The following ATG10 variants were observed in gnomAD, a reference collection of about 807,000 sequenced individuals.
ATG10 encodes the protein ubiquitin-like-conjugating enzyme ATG10.
ATG10 carries 30 observed loss-of-function variants against 32.1 expected under a neutral mutation model. The ratio of observed to expected loss-of-function variants is 0.94; its 90% CI spans 0.70 to 1.27. The LOEUF is 1.27. Ranked by LOEUF, ATG10 falls within the 50% of genes most tolerant of loss-of-function variation. The probability of loss-of-function intolerance (pLI) is 0.00; values close to 1 mark genes in which losing one functional copy is unlikely to be tolerated. For missense variants in ATG10, 233 were observed against 262.3 expected, an observed-to-expected ratio of 0.89 and a Z score of 0.77; for synonymous variants, 87 against 91.5, an observed-to-expected ratio of 0.95 and a Z score of 0.28.
chr5:82,079,436 A>G (rs1364389788), intron 3 of ATG10, among the ~76,000 whole-genome samples: 2 of 151,728 alleles, frequency 1.3e-5, no homozygotes, highest in African/African-American at 4.9e-5. Flanking sequence ...TTACATATGT[A>G]TACATATGCC....
At chr5:82,215,429 G>GACACAAGGGATTATTGA (rs1214611357) in intron 5 of ATG10, among the ~76,000 whole-genome samples, 1 of 152,144 alleles carries the variant, frequency 6.6e-6, no homozygotes, top group Non-Finnish European at 1.5e-5. Flanking sequence ...TACGCAAGGG[G>GACACAAGGGATTATTGA]ACACAAGGGA....
intron 2 of ATG10, among the ~76,000 whole-genome samples, chr5:82,005,420 G>A (rs993761037): frequency 6.6e-6 from 1 of 151,966 alleles, no homozygotes; most frequent in Non-Finnish European, 1.5e-5. Context: ...TCAGCCTCCC[G>A]AGTAGCTGGG....
intron 3 of ATG10, among the ~76,000 whole-genome samples, chr5:82,130,524 A>G (rs1766476494): frequency 6.6e-6 from 1 of 152,118 alleles, no homozygotes; most frequent in Non-Finnish European, 1.5e-5. Flanking sequence ...GACCGTGGGA[A>G]GAGTGTAGTA....
At chr5:82,122,666 T>C (rs1004848097) in intron 3 of ATG10, among the ~76,000 whole-genome samples, 1 of 151,972 alleles carries the variant, frequency 6.6e-6, no homozygotes, top group African/African-American at 2.4e-5. Context: ...AAATTTACAA[T>C]AGAAAAACAA....
intron 5 of ATG10, among the ~76,000 whole-genome samples, chr5:82,239,648 G>A (rs531129771): frequency 6.6e-6 from 1 of 152,132 alleles, no homozygotes; most frequent in Non-Finnish European, 1.5e-5. Flanking sequence ...GGAACACCAA[G>A]TAGTTTAATG....
intron 4 of ATG10, among the ~76,000 whole-genome samples, chr5:82,167,701 G>A (rs1275626073): frequency 6.6e-6 from 1 of 152,192 alleles, no homozygotes; most frequent in African/African-American, 2.4e-5. Flanking sequence ...TGAAGCAGCT[G>A]TTCCACTTCT....
intron 2 of ATG10, among the ~76,000 whole-genome samples, chr5:82,013,119 G>A (rs568213161): frequency 1.3e-3 from 198 of 152,068 alleles, no homozygotes; most frequent in African/African-American, 4.4e-3. Context: ...ACACCACCAC[G>A]CCCGGCCAAT....
At chr5:82,139,580 G>A (rs1258119133) in intron 3 of ATG10, among the ~76,000 whole-genome samples, 1 of 146,496 alleles carries the variant, frequency 6.8e-6, no homozygotes, top group African/African-American at 2.6e-5. Flanking sequence ...CGCCCCGTCT[G>A]AGAAGTGAGG....
chr5:82,001,990 T>G (rs149777874), intron 2 of ATG10, among the ~76,000 whole-genome samples: 1 of 152,260 alleles, frequency 6.6e-6, no homozygotes, highest in Non-Finnish European at 1.5e-5. Flanking sequence ...GAACAGACAC[T>G]TCTCAAAAGA....
intron 5 of ATG10, among the ~76,000 whole-genome samples, chr5:82,229,732 C>T (rs1388371393): frequency 6.6e-6 from 1 of 152,128 alleles, no homozygotes; most frequent in East Asian, 1.9e-4. Context: ...AGTCAGTCCT[C>T]CATGTCTGCA....
At chr5:82,035,867 CT>C (rs1762904001) in intron 2 of ATG10, among the ~76,000 whole-genome samples, 1 of 151,066 alleles carries the variant, frequency 6.6e-6, no homozygotes, top group African/African-American at 2.4e-5. Flanking sequence ...CAGTCTGTCA[CT>C]TTTCTTTTAA....
At chr5:81,976,503 G>A (rs935753247) in intron 1 of ATG10, among the ~76,000 whole-genome samples, 1 of 152,206 alleles carries the variant, frequency 6.6e-6, no homozygotes, top group Non-Finnish European at 1.5e-5. Flanking sequence ...AGTGTAAATG[G>A]TTGTATTCTA....
chr5:82,145,282 T>C (rs915538978), intron 3 of ATG10, among the ~76,000 whole-genome samples: 1 of 152,164 alleles, frequency 6.6e-6, no homozygotes, highest in South Asian at 2.1e-4. Context: ...TCTATCATTT[T>C]ATTAACTTTT....
chr5:82,161,364 C>T (rs148811427), intron 3 of ATG10, among the ~76,000 whole-genome samples: 2,128 of 152,154 alleles, frequency 0.014, 123 homozygotes, highest in Admixed American at 0.11. Context: ...AGACTTCTAA[C>T]AGGATTTTCA....
At chr5:82,136,692 G>A (rs1193189007) in intron 3 of ATG10, among the ~76,000 whole-genome samples, 2 of 152,038 alleles carry the variant, frequency 1.3e-5, no homozygotes, top group East Asian at 3.9e-4. Context: ...TTATATGTTG[G>A]GGTTGTTCTT....
chr5:82,175,337 A>T (rs1298551609), intron 4 of ATG10, among the ~76,000 whole-genome samples: 1 of 152,136 alleles, frequency 6.6e-6, no homozygotes, highest in African/African-American at 2.4e-5. Context: ...GTAAAGATGG[A>T]GTCTCACTTT....
chr5:82,010,703 G>T (rs1055334190), intron 2 of ATG10, among the ~76,000 whole-genome samples: 1 of 152,078 alleles, frequency 6.6e-6, no homozygotes, highest in Admixed American at 6.6e-5. Context: ...AGGTCTAATA[G>T]TATAAAAAGT....
At chr5:82,002,497 A>G (rs1004781266) in intron 2 of ATG10, among the ~76,000 whole-genome samples, 1 of 152,242 alleles carries the variant, frequency 6.6e-6, no homozygotes, top group East Asian at 1.9e-4. Flanking sequence ...TTGCAGCAAC[A>G]TGGATGGAAC....
At chr5:82,139,868 C>A (rs1198149469) in intron 3 of ATG10, among the ~76,000 whole-genome samples, 2 of 142,904 alleles carry the variant, frequency 1.4e-5, no homozygotes, top group Non-Finnish European at 3.1e-5. Context: ...ACCCGGCCAG[C>A]CGCCCCGTCC....
Sources: allele counts gnomAD v4.1 joint callset (sites outside exome capture counted in the v4.1 genomes callset), GRCh38; gene constraint gnomAD v4.1.1; transcripts MANE v1.5; gene names NCBI Gene and HGNC (gene_info 2026-07-23, HGNC 2026-07-21).